The following GPC4 variants were observed in gnomAD, a reference collection of about 807,000 sequenced individuals.
The protein encoded by GPC4 is glypican 4.
GPC4 carries 10 observed loss-of-function variants against 35.0 expected under a neutral mutation model. The observed-to-expected ratio is 0.29, with a 90% CI of 0.18 to 0.48. The LOEUF (loss-of-function observed/expected upper bound fraction) is 0.48, where lower values mean the gene tolerates loss of function less well. GPC4 is among the 20% of genes least tolerant of loss of function. GPC4 has a pLI of 0.99. For synonymous variants in GPC4, 167 were observed against 170.2 expected, an observed-to-expected ratio of 0.98 and a Z score of 0.15; for missense variants, 322 against 451.3, an observed-to-expected ratio of 0.71 and a Z score of 2.60.
intron 1 of GPC4, among the ~76,000 whole-genome samples, chrX:133,399,221 T>C (rs773749057): frequency 1.2e-4 from 13 of 112,038 alleles, no homozygotes; most frequent in Non-Finnish European, 1.1e-4. Flanking sequence ...CTCAGACCTT[T>C]CATAAAAGCC....
rs772725335 is a variant in GPC4 at position 133,414,769 on chromosome X, C to T, written c.160+37G>A. 64 of 1,196,253 alleles carry T rather than the reference C, an allele frequency of 5.4e-5. 1 individual carries two copies. The East Asian group carries it at 1.9e-3, about 35-fold the overall frequency. ...GTTGCAGCCTCCCTTCCCGAAGTGTCGGTCTCTGCGCCCACCTCCCGGGTG... is the reference window on the plus strand; with the variant it reads ...GTTGCAGCCTCCCTTCCCGAAGTGTTGGTCTCTGCGCCCACCTCCCGGGTG... On this transcript the variant is annotated intron_variant, in intron 1 of 8. Transcript: ENST00000370828.
chrX:133,386,058 A>T (rs927675875), intron 1 of GPC4, among the ~76,000 whole-genome samples: 2 of 108,568 alleles, frequency 1.8e-5, no homozygotes, highest in African/African-American at 3.3e-5. Flanking sequence ...AAAATAAATA[A>T]AAAATAAAAA....
At chrX:133,396,265 G>A (rs751744293) in intron 1 of GPC4, among the ~76,000 whole-genome samples, 1 of 111,567 alleles carries the variant, frequency 9.0e-6, no homozygotes, top group South Asian at 3.8e-4. Context: ...ACAACTCTCT[G>A]ATCACACATC....
chrX:133,346,907 C>A (rs2068493598), intron 1 of GPC4, among the ~76,000 whole-genome samples: 1 of 110,832 alleles, frequency 9.0e-6, no homozygotes, highest in African/African-American at 3.3e-5. Flanking sequence ...AGTGAGGATG[C>A]CAGCTAAAAG....
intron 1 of GPC4, among the ~76,000 whole-genome samples, chrX:133,355,773 C>T (rs2068539170): frequency 9.0e-6 from 1 of 111,120 alleles, no homozygotes; most frequent in African/African-American, 3.3e-5. Flanking sequence ...GGCTTAGCAC[C>T]ATCCCCCGGG....
Position 133,324,259 on chromosome X carries a change from G to C in GPC4, c.597C>G (p.Pro199=). The C allele has an allele frequency of 8.3e-7, 1 of 1,211,580 alleles. No homozygotes were observed. Among genetic ancestry groups the C allele is most frequent in the Middle Eastern group, 2.3e-4 (1 of 4,356 alleles). ...CVSKYTEQLK[P]FGDVPRKLKL... The stretch of plus-strand genomic sequence containing the variant: ...TCAATTTGCGAGGGACATCTCCGAA[G>C]GGCTTCAGCTGCTCCGTATACTTGC... The change falls in exon 3 of 9, where the codon CCC becomes CCG. Residue 199 remains proline (P), a synonymous_variant. Coordinates refer to ENST00000370828, the MANE Select transcript of GPC4 (RefSeq NM_001448.3).
intron 6 of GPC4, among the ~76,000 whole-genome samples, chrX:133,305,469 A>C (rs1029430805): frequency 1.8e-5 from 2 of 112,047 alleles, no homozygotes; most frequent in Non-Finnish European, 3.8e-5. Context: ...GATCTGCCTT[A>C]TTTCTCTGAG....
intron 2 of GPC4, among the ~76,000 whole-genome samples, chrX:133,333,133 G>A (rs2068428508): frequency 8.9e-6 from 1 of 112,484 alleles, no homozygotes; most frequent in Admixed American, 9.4e-5. Context: ...GTCAGTGCTA[G>A]ATCAACTAAG....
chrX:133,382,525 A>G (rs371710116), intron 1 of GPC4, among the ~76,000 whole-genome samples: 6 of 108,085 alleles, frequency 5.6e-5, no homozygotes, highest in Non-Finnish European at 1.2e-4. Flanking sequence ...TCAGGAGATC[A>G]AGACCATCCT....
chrX:133,404,318 T>G (rs2068777550), intron 1 of GPC4, among the ~76,000 whole-genome samples: 1 of 94,403 alleles, frequency 1.1e-5, no homozygotes, highest in African/African-American at 4.0e-5. Flanking sequence ...GAGGCCAAGG[T>G]GGGCGGATCA....
In GPC4 at chrX:133,331,837, C is replaced by T. The variant is rs908749269; in HGVS notation, c.320-7301G>A. Among the ~76,000 whole-genome samples the T allele has an allele frequency of 4.5e-5, 5 of 110,664 alleles. No individual in the cohort carries two copies. In the Admixed American group the frequency reaches 4.8e-4, roughly 11 times the overall value. On this transcript the variant is annotated intron_variant, in intron 2 of 8. Transcript: ENST00000370828. ...TGCATGTATGTATATGCATTATCTACGTACACAAAAAGATTAGGTAAATAC... is the reference window on the plus strand; with the variant it reads ...TGCATGTATGTATATGCATTATCTATGTACACAAAAAGATTAGGTAAATAC...
rs928361124 is a variant in GPC4 at position 133,401,560 on chromosome X, T to G, written c.160+13246A>C. Reference sequence around the variant, plus strand: ...ATCTTTATTCAGATTACAAGAAAATTGATGCAGTCCCTTATTGTGGAAGGT... The same window carrying G: ...ATCTTTATTCAGATTACAAGAAAATGGATGCAGTCCCTTATTGTGGAAGGT... On this transcript the variant is annotated intron_variant, in intron 1 of 8. Transcript: ENST00000370828. Among the ~76,000 whole-genome samples, 6 of 112,214 alleles carry G rather than the reference T, an allele frequency of 5.3e-5. No homozygotes were observed. The East Asian group carries it at 1.7e-3, about 32-fold the overall frequency.
chrX:133,404,830 CAA>C (rs1471723947), intron 1 of GPC4, among the ~76,000 whole-genome samples: 40 of 64,573 alleles, frequency 6.2e-4, no homozygotes, highest in South Asian at 1.0e-3. Flanking sequence ...CCAGCCTGGA[CAA>C]AAGAGTGAGA....
chrX:133,415,044 C>A lies in GPC4; in HGVS notation c.-79G>T. 2 of 1,029,104 alleles carry A rather than the reference C, an allele frequency of 1.9e-6. No homozygotes were observed. Among genetic ancestry groups the A allele is most frequent in the South Asian group, 2.1e-5 (1 of 47,008 alleles). The allele number at this position is 1,029,104 out of a possible 1,213,427, so 84.8% of individuals were successfully genotyped here. A position where few individuals can be genotyped will look rare whatever the true frequency, so the allele number is the denominator to read the frequency against. ...GCTACGGCAGCGGGCCGAGGGCTGG[C>A]GGAGTCGGGGACTAGCGAGTGGAGC... On this transcript the variant is annotated 5_prime_UTR_variant, in exon 1 of 9. Coordinates refer to ENST00000370828, the MANE Select transcript of GPC4 (RefSeq NM_001448.3).
chrX:133,390,024 G>C (rs1427509203), intron 1 of GPC4, among the ~76,000 whole-genome samples: 1 of 111,144 alleles, frequency 9.0e-6, no homozygotes, highest in Non-Finnish European at 1.9e-5. Flanking sequence ...AGAAGTTCAT[G>C]CACAACATTC....
Position 133,339,080 on chromosome X carries a change from A to G in GPC4, c.319+103T>C. 3.7e-6 allele frequency: 3 copies of G among 815,933 alleles called. No individual in the cohort carries two copies. The South Asian group carries it at 7.8e-5, about 21-fold the overall frequency. The allele number at this position is 815,933 out of a possible 1,213,427, so 67.2% of individuals were successfully genotyped here. A position where few individuals can be genotyped will look rare whatever the true frequency, so the allele number is the denominator to read the frequency against. ...TCGTCTCTGGTATCCAACAAGGACA[A>G]CATCTTGGGAGAAAACTTAAGCACT... On this transcript the variant is annotated intron_variant, in intron 2 of 8. Coordinates refer to ENST00000370828, the MANE Select transcript of GPC4 (RefSeq NM_001448.3).
At chrX:133,411,375 T>C (rs1321402510) in intron 1 of GPC4, among the ~76,000 whole-genome samples, 2 of 112,401 alleles carry the variant, frequency 1.8e-5, no homozygotes, top group Non-Finnish European at 3.8e-5. Flanking sequence ...AAAATGCCCA[T>C]TGTTGCATAC....
intron 1 of GPC4, among the ~76,000 whole-genome samples, chrX:133,384,794 T>G (rs1371517289): frequency 8.9e-6 from 1 of 111,788 alleles, no homozygotes; most frequent in Non-Finnish European, 1.9e-5. Flanking sequence ...CAGTGTTCCC[T>G]TTTCTGACCT....
At chrX:133,317,547 G>A (rs367766416) in intron 3 of GPC4, among the ~76,000 whole-genome samples, 1 of 111,247 alleles carries the variant, frequency 9.0e-6, no homozygotes, top group Non-Finnish European at 1.9e-5. Context: ...AATTCAGAAC[G>A]AGCCTTAAGC....
Sources: gnomAD v4.1 joint callset for allele counts (sites outside exome capture counted in the v4.1 genomes callset) on GRCh38, gnomAD v4.1.1 for gene constraint, MANE v1.5 for transcripts, NCBI Gene and HGNC (gene_info 2026-07-23, HGNC 2026-07-21) for gene names.